The following APBB2 variants were observed in gnomAD, a reference collection of about 807,000 sequenced individuals.
APBB2 encodes the protein Fe65-like 1.
A neutral mutation model predicts 82.5 loss-of-function variants in APBB2; 38 were observed. The observed-to-expected ratio is 0.46, with a 90% CI of 0.36 to 0.60. The LOEUF (loss-of-function observed/expected upper bound fraction) is 0.60. Ranked by LOEUF, APBB2 falls within the 20% of genes least tolerant of loss-of-function variation. APBB2 has a pLI of 0.00. For missense variants in APBB2, 772 were observed against 972.3 expected, an observed-to-expected ratio of 0.79 and a Z score of 2.74; for synonymous variants, 341 against 368.2, an observed-to-expected ratio of 0.93 and a Z score of 0.85.
chr4:40,945,089 G>GA lies in APBB2; in HGVS notation c.836-17_836-16insT. 1 of 940,682 alleles carries GA rather than the reference G, an allele frequency of 1.1e-6. No individual in the cohort carries two copies. Among genetic ancestry groups the GA allele is most frequent in the Non-Finnish European group, 1.6e-6 (1 of 623,750 alleles). The allele number at this position is 940,682 out of a possible 1,614,324, so 58.3% of individuals were successfully genotyped here. A position where few individuals can be genotyped will look rare whatever the true frequency, so the allele number is the denominator to read the frequency against. On this transcript the variant is annotated splice_polypyrimidine_tract_variant and intron_variant, in intron 6 of 17. Coordinates refer to ENST00000508593, the MANE Select transcript of APBB2 (RefSeq NM_004307.2). ...CATATATCTGCTGAAAAATTGGGGG[G>GA]CGGGGCGGGGGGAGAAAGAGAGAAT...
intron 12 of APBB2, among the ~76,000 whole-genome samples, chr4:40,863,891 C>CAAAA (rs60135616): frequency 0.17 from 5,580 of 32,934 alleles, 1,095 homozygotes; most frequent in Non-Finnish European, 0.2. Context: ...GAGACTGTCT[C>CAAAA]AAAAAAAAAA....
intron 5 of APBB2, among the ~76,000 whole-genome samples, chr4:41,020,441 A>T (rs1447113142): frequency 6.6e-6 from 1 of 152,216 alleles, no homozygotes; most frequent in Non-Finnish European, 1.5e-5. Context: ...AGCAGTTAGG[A>T]AAATTGCCTA....
chr4:40,880,742 G>A, intron 12 of APBB2: 21 of 985,420 alleles, frequency 2.1e-5, no homozygotes, highest in Non-Finnish European at 2.5e-5. Context: ...AGTGCGAGAT[G>A]GAAGCTGTTC....
chr4:41,188,932 G>A (rs1238672926), intron 1 of APBB2, among the ~76,000 whole-genome samples: 1 of 152,066 alleles, frequency 6.6e-6, no homozygotes, highest in African/African-American at 2.4e-5. Flanking sequence ...AGAAAAAGTG[G>A]TGGCAACATA....
At chr4:40,927,595 C>T (rs1782945667) in intron 10 of APBB2, among the ~76,000 whole-genome samples, 1 of 152,134 alleles carries the variant, frequency 6.6e-6, no homozygotes, top group Non-Finnish European at 1.5e-5. Context: ...GATCTTCCCA[C>T]CTCAGCCTCC....
rs762740147 is a variant in APBB2 at position 41,013,981 on chromosome 4, G to C, written c.437C>G (p.Ser146Trp). The C allele has an allele frequency of 1.9e-5, 31 of 1,614,174 alleles. No individual in the cohort carries two copies. The South Asian group carries it at 2.9e-4, about 15-fold the overall frequency. Residue 146 changes from serine (S) to tryptophan (W), a missense_variant, in exon 6 of 18, where the codon TCG becomes TGG. Physicochemically the swap from Ser to Trp is radical, Grantham distance 177 (BLOSUM62 -3). Transcript: ENST00000508593. ...CTGGGAGGGTAAAATCTCACAGCTC[G>C]AGGAATCCTGTGGGTGGGGCTCTTT... Reference protein sequence around the residue: ...EGKEPHPQDSSSCEILPSQPR... With the variant: ...EGKEPHPQDSWSCEILPSQPR...
chr4:40,861,040 C>G (rs752282121), intron 12 of APBB2, among the ~76,000 whole-genome samples: 5 of 152,134 alleles, frequency 3.3e-5, no homozygotes, highest in Admixed American at 1.3e-4. Flanking sequence ...TAGCGAGACC[C>G]CCATATCTAC....
intron 1 of APBB2, among the ~76,000 whole-genome samples, chr4:41,179,751 G>A (rs534813858): frequency 1.3e-5 from 2 of 152,126 alleles, no homozygotes; most frequent in Non-Finnish European, 2.9e-5. Context: ...AGTGAAAATC[G>A]ATTCTGTGAA....
rs528298373 is a variant in APBB2 at position 40,934,553 on chromosome 4, A to G, written c.1194-37T>C. ...AACAGAAAAGTGGACTTAGAATTCT[A>G]TTGCAAACTATCTGCACAAAGCCAT... On this transcript the variant is annotated intron_variant, in intron 9 of 17. Coordinates refer to ENST00000508593, the MANE Select transcript of APBB2 (RefSeq NM_004307.2). The G allele has an allele frequency of 2.9e-4, 460 of 1,612,640 alleles. 6 individuals carry two copies. The South Asian group carries it at 4.7e-3, about 17-fold the overall frequency.
intron 12 of APBB2, among the ~76,000 whole-genome samples, chr4:40,874,321 A>C (rs1274707429): frequency 6.6e-6 from 1 of 152,220 alleles, no homozygotes; most frequent in Non-Finnish European, 1.5e-5. Context: ...CTGAAATCTA[A>C]AAGAAATCTG....
At chr4:40,961,149 G>C (rs948136444) in intron 6 of APBB2, among the ~76,000 whole-genome samples, 4 of 152,122 alleles carry the variant, frequency 2.6e-5, no homozygotes, top group South Asian at 4.2e-4. Flanking sequence ...TATGTGAAAG[G>C]GAAGTACATT....
chr4:41,014,478 AAAACT>A (rs1177373472), intron 5 of APBB2, 80 bp from the exon 6 acceptor site: 7 of 1,325,368 alleles, frequency 5.3e-6, no homozygotes, highest in Non-Finnish European at 7.4e-6. Flanking sequence ...TTTTATATAG[AAAACT>A]AAAAGAAGAA....
chr4:41,026,561 A>G (rs1472101126), intron 5 of APBB2, among the ~76,000 whole-genome samples: 1 of 152,188 alleles, frequency 6.6e-6, no homozygotes, highest in Admixed American at 6.5e-5. Flanking sequence ...GTGATGATAG[A>G]CATTTCATAT....
intron 5 of APBB2, among the ~76,000 whole-genome samples, chr4:41,026,208 G>A (rs1362014259): frequency 6.6e-6 from 1 of 152,060 alleles, no homozygotes; most frequent in African/African-American, 2.4e-5. Flanking sequence ...GGAGGGAGAG[G>A]AGCAGAAAAG....
At chr4:41,113,435 T>C (rs1017703562) in intron 2 of APBB2, among the ~76,000 whole-genome samples, 2 of 152,162 alleles carry the variant, frequency 1.3e-5, no homozygotes, top group Non-Finnish European at 2.9e-5. Flanking sequence ...CAGGGACAAT[T>C]TGACTAAATT....
At chr4:40,817,254 A>G (rs1250258601) in intron 17 of APBB2, among the ~76,000 whole-genome samples, 16 of 152,056 alleles carry the variant, frequency 1.1e-4, no homozygotes, top group Admixed American at 1.0e-3. Context: ...CAAAAAATAC[A>G]AAAATTAGCC....
At chr4:40,903,232 C>CTGG (rs1273794193) in intron 10 of APBB2, among the ~76,000 whole-genome samples, 16,505 of 151,706 alleles carry the variant, frequency 0.11, 1,281 homozygotes, top group African/African-American at 0.21. Flanking sequence ...AGGCCAAGGC[C>CTGG]GGTGGATCAC....
At chr4:41,190,562 T>G (rs16852898) in intron 1 of APBB2, among the ~76,000 whole-genome samples, 5,313 of 152,218 alleles carry the variant, frequency 0.035, 161 homozygotes, top group African/African-American at 0.085. Context: ...AAAGGCTATT[T>G]CTTAAAGTTC....
At chr4:41,151,444 T>G (rs979366914) in intron 1 of APBB2, among the ~76,000 whole-genome samples, 1 of 152,220 alleles carries the variant, frequency 6.6e-6, no homozygotes, top group African/African-American at 2.4e-5. Flanking sequence ...ATTAATGAGA[T>G]TTATCTACAT....
Sources: allele counts gnomAD v4.1 joint callset (sites outside exome capture counted in the v4.1 genomes callset), GRCh38; gene constraint gnomAD v4.1.1; transcripts MANE v1.5; gene names NCBI Gene and HGNC (gene_info 2026-07-23, HGNC 2026-07-21).